SEC24B: variants seen among roughly 807,000 people sequenced by gnomAD.
The protein encoded by SEC24B is protein transport protein Sec24B.
A neutral mutation model predicts 142.8 loss-of-function variants in SEC24B; 45 were observed. The ratio of observed to expected loss-of-function variants is 0.32; its 90% confidence interval spans 0.25 to 0.40. The LOEUF (loss-of-function observed/expected upper bound fraction) is 0.40, where lower values mean the gene tolerates loss of function less well. Ranked by LOEUF, SEC24B falls within the 10% of genes least tolerant of loss-of-function variation. SEC24B has a pLI of 1.00. For missense variants in SEC24B, 1,409 were observed against 1,526.8 expected, an observed-to-expected ratio of 0.92 and a Z score of 1.29; for synonymous variants, 574 against 568.2, an observed-to-expected ratio of 1.01 and a Z score of -0.15.
intron 6 of SEC24B, among the ~76,000 whole-genome samples, chr4:109,504,755 A>G: frequency 6.6e-6 from 1 of 152,132 alleles, no homozygotes; most frequent in Non-Finnish European, 1.5e-5. Context: ...TAGTGGCTTT[A>G]TCATCTGTTG....
chr4:109,496,905 G>T (rs1298126992), intron 6 of SEC24B, among the ~76,000 whole-genome samples: 1 of 152,076 alleles, frequency 6.6e-6, no homozygotes, highest in Non-Finnish European at 1.5e-5. Context: ...TATTTACTTA[G>T]AATTTTTATG....
rs1438990786 is a variant in SEC24B at position 109,537,350 on chromosome 4, G to GA, written c.3589-1139dup. On this transcript the variant is annotated intron_variant, in intron 22 of 23. Transcript: ENST00000265175. ...TAGAGGGCCATTTGACAATGTCTGT[G>GA]AAAATCATGTTCTTTATGACACGGT... 4.6e-5 allele frequency among the ~76,000 whole-genome samples: 7 copies of GA among 152,348 alleles called. No homozygotes were observed. In the East Asian group the frequency reaches 1.3e-3, roughly 29 times the overall value.
intron 6 of SEC24B, among the ~76,000 whole-genome samples, chr4:109,502,676 GTTAAA>G (rs1392656754): frequency 6.6e-6 from 1 of 152,196 alleles, no homozygotes; most frequent in Non-Finnish European, 1.5e-5. Context: ...AGTTGGCCAT[GTTAAA>G]TTAAAATACC....
intron 22 of SEC24B, among the ~76,000 whole-genome samples, chr4:109,535,400 A>G (rs777622295): frequency 6.6e-6 from 1 of 151,734 alleles, no homozygotes; most frequent in Non-Finnish European, 1.5e-5. Flanking sequence ...AAAAAATACA[A>G]AAAAAATTAG....
intron 14 of SEC24B, among the ~76,000 whole-genome samples, chr4:109,522,001 G>A (rs911618308): frequency 6.6e-5 from 10 of 151,586 alleles, no homozygotes; most frequent in African/African-American, 2.4e-4. Context: ...AAAGTGCTGG[G>A]ATTACAGGCA....
chr4:109,511,759 T>C (rs1049583709), intron 8 of SEC24B, among the ~76,000 whole-genome samples, 198 bp from the exon 9 acceptor site: 5 of 152,254 alleles, frequency 3.3e-5, no homozygotes, highest in African/African-American at 9.6e-5. Context: ...TTTAGTGTTA[T>C]GATTTGTGAC....
chr4:109,520,062 A>G (rs1377892494), intron 11 of SEC24B, among the ~76,000 whole-genome samples: 1 of 152,208 alleles, frequency 6.6e-6, no homozygotes, highest in Non-Finnish European at 1.5e-5. Flanking sequence ...TTTGTGTAAA[A>G]TTTTACACAT....
intron 10 of SEC24B, among the ~76,000 whole-genome samples, chr4:109,514,139 T>C (rs866927989): frequency 2.4e-4 from 37 of 152,336 alleles, no homozygotes; most frequent in African/African-American, 8.7e-4. Context: ...GGAATGGATA[T>C]AGATACCCTT....
intron 1 of SEC24B, among the ~76,000 whole-genome samples, chr4:109,458,037 G>GT (rs1157939314): frequency 2.0e-5 from 3 of 151,866 alleles, no homozygotes; most frequent in East Asian, 3.9e-4. Context: ...TATTACAAGT[G>GT]TTAGACTGCT....
intron 1 of SEC24B, among the ~76,000 whole-genome samples, chr4:109,442,970 A>G (rs369988430): frequency 6.6e-6 from 1 of 152,088 alleles, no homozygotes; most frequent in Non-Finnish European, 1.5e-5. Context: ...GAATAATCCA[A>G]TGTTGATGCT....
intron 1 of SEC24B, among the ~76,000 whole-genome samples, chr4:109,438,187 A>G (rs529369731): frequency 6.6e-6 from 1 of 152,362 alleles, no homozygotes; most frequent in African/African-American, 2.4e-5. Context: ...TTCACGTTGT[A>G]TAATAAGAGC....
At position 109,469,234 on chromosome 4, in the gene SEC24B, GTTGT is replaced by G. The variant is rs566994002; in HGVS notation, c.878-3763_878-3760del. On this transcript the variant is annotated intron_variant, in intron 2 of 23. Transcript: ENST00000265175. The stretch of plus-strand genomic sequence containing the variant: ...CATTTCGCGTAGTCCAGTTTTATGT[GTTGT>G]TTGTTTTGTCAAATTCCCTTTGTGA... 1.1e-4 allele frequency among the ~76,000 whole-genome samples: 16 copies of G among 152,318 alleles called. 1 individual carries two copies. Among genetic ancestry groups the G allele is most frequent in the Admixed American group, 1.0e-3 (16 of 15,290 alleles).
intron 1 of SEC24B, among the ~76,000 whole-genome samples, chr4:109,439,311 T>C (rs1477816456): frequency 6.6e-6 from 1 of 151,906 alleles, no homozygotes; most frequent in Non-Finnish European, 1.5e-5. Context: ...GATATAAATC[T>C]CCCTAGTGTA....
At chr4:109,525,701 G>A (rs532409902) in intron 16 of SEC24B, among the ~76,000 whole-genome samples, 197 bp downstream of exon 16, 1 of 152,128 alleles carries the variant, frequency 6.6e-6, no homozygotes, top group Admixed American at 6.5e-5. Flanking sequence ...GTAGACAAAA[G>A]TAATGTTTGA....
intron 1 of SEC24B, among the ~76,000 whole-genome samples, chr4:109,458,211 A>T (rs79567241): frequency 0.019 from 2,924 of 151,496 alleles, 97 homozygotes; most frequent in African/African-American, 0.067. Context: ...TAGCATATTT[A>T]TTTGTTTTAT....
chr4:109,528,405 T>C (rs565706538), intron 18 of SEC24B, among the ~76,000 whole-genome samples: 2 of 147,282 alleles, frequency 1.4e-5, no homozygotes, highest in African/African-American at 2.5e-5. Flanking sequence ...TACTCCTGCC[T>C]GAGTGACAGC....
At chr4:109,527,195 A>G (rs1332186020) in intron 17 of SEC24B, 127 bp from the exon 18 acceptor site, 3 of 637,908 alleles carry the variant, frequency 4.7e-6, no homozygotes, top group Non-Finnish European at 8.0e-6. Flanking sequence ...CTCCAGCCTA[A>G]GAGACAGAGC....
chr4:109,497,606 G>A (rs1053449502), intron 6 of SEC24B, among the ~76,000 whole-genome samples: 1 of 150,294 alleles, frequency 6.7e-6, no homozygotes, highest in Non-Finnish European at 1.5e-5. Flanking sequence ...CTTGTGTCTA[G>A]AATCTTTTGC....
intron 16 of SEC24B, 82 bp downstream of exon 16, chr4:109,525,586 C>A: frequency 1.1e-6 from 1 of 891,278 alleles, no homozygotes; most frequent in Non-Finnish European, 1.7e-6. Context: ...CTACCTCTGA[C>A]TGTTCATGAT....
Sources: gnomAD v4.1 joint callset for allele counts (sites outside exome capture counted in the v4.1 genomes callset) on GRCh38, gnomAD v4.1.1 for gene constraint, MANE v1.5 for transcripts, NCBI Gene and HGNC (gene_info 2026-07-23, HGNC 2026-07-21) for gene names.